The following CCDC102B variants were observed in gnomAD, a reference collection of about 807,000 sequenced individuals.
The protein encoded by CCDC102B is coiled-coil domain-containing protein 102B.
CCDC102B carries 75 observed loss-of-function variants against 57.4 expected under a neutral mutation model. That is an observed-to-expected ratio of 1.31 (90% CI 1.08 to 1.58). CCDC102B has a LOEUF of 1.58. Among genes scored for constraint, CCDC102B ranks in the 40% most tolerant of loss-of-function variants. CCDC102B has a pLI of 0.00. For missense variants in CCDC102B, 636 were observed against 582.6 expected, an observed-to-expected ratio of 1.09 and a Z score of -0.94; for synonymous variants, 206 against 201.9, an observed-to-expected ratio of 1.02 and a Z score of -0.17.
chr18:68,928,770 C>CTTTAATTA, intron 6 of CCDC102B, among the ~76,000 whole-genome samples: 1 of 151,832 alleles, frequency 6.6e-6, no homozygotes, highest in African/African-American at 2.4e-5. Flanking sequence ...TTAACTTGAG[C>CTTTAATTA]CTTTTTAATG....
At chr18:68,812,800 C>T (rs1190491087) in intron 1 of CCDC102B, among the ~76,000 whole-genome samples, 2 of 152,136 alleles carry the variant, frequency 1.3e-5, no homozygotes, top group Non-Finnish European at 2.9e-5. Flanking sequence ...GAAGAATTAA[C>T]ATACAGGAAT....
chr18:68,839,453 A>G (rs1320092691), intron 3 of CCDC102B, among the ~76,000 whole-genome samples: 1 of 152,174 alleles, frequency 6.6e-6, no homozygotes, highest in African/African-American at 2.4e-5. Context: ...CTTTGTGAAA[A>G]TAGCTGTAGT....
chr18:68,806,696 C>A (rs2036045254), intron 1 of CCDC102B, among the ~76,000 whole-genome samples: 1 of 151,998 alleles, frequency 6.6e-6, no homozygotes, highest in African/African-American at 2.4e-5. Flanking sequence ...GCAACATTTG[C>A]AATTTAAAGT....
intron 5 of CCDC102B, among the ~76,000 whole-genome samples, chr18:68,879,350 G>C (rs1002293236): frequency 6.6e-6 from 1 of 152,254 alleles, no homozygotes; most frequent in South Asian, 2.1e-4. Flanking sequence ...AAAGAACAAA[G>C]CTTCCACAGT....
intron 4 of CCDC102B, among the ~76,000 whole-genome samples, chr18:68,860,481 A>C (rs74801030): frequency 0.068 from 8,786 of 128,892 alleles, 736 homozygotes; most frequent in African/African-American, 0.17. Flanking sequence ...AAAACAAAAA[A>C]AAAAAAAGAC....
chr18:68,761,472 C>T (rs950961227), intron 2 of CCDC102B, among the ~76,000 whole-genome samples: 20 of 151,672 alleles, frequency 1.3e-4, no homozygotes, highest in African/African-American at 4.8e-4. Flanking sequence ...TGAAATCTCC[C>T]ACTCTGAGTG....
chr18:68,825,910 A>T (rs1478648249), intron 1 of CCDC102B, among the ~76,000 whole-genome samples: 1 of 152,022 alleles, frequency 6.6e-6, no homozygotes, highest in Non-Finnish European at 1.5e-5. Context: ...CAGTGTTCTC[A>T]TTTTCTAATT....
chr18:69,053,919 C>A, intron 7 of CCDC102B, 111 bp from the exon 8 acceptor site: 1 of 811,662 alleles, frequency 1.2e-6, no homozygotes, highest in Non-Finnish European at 1.9e-6. Flanking sequence ...TACTTACAAT[C>A]TATTCTCTTA....
chr18:68,972,085 G>A (rs899800299), intron 6 of CCDC102B, among the ~76,000 whole-genome samples: 1 of 152,128 alleles, frequency 6.6e-6, no homozygotes, highest in African/African-American at 2.4e-5. Context: ...TATTAGAATA[G>A]TAGGCTGGAA....
At position 69,037,032 on chromosome 18, in the gene CCDC102B, C is replaced by T. The variant is rs1199050985; in HGVS notation, c.1435-16998C>T. Among the ~76,000 whole-genome samples the T allele has an allele frequency of 6.3e-3, 696 of 109,940 alleles. 2 individuals are homozygous for T. Among genetic ancestry groups the T allele is most frequent in the African/African-American group, 8.5e-3 (207 of 24,470 alleles). 72.1% of individuals were successfully genotyped at this position (109,940 alleles called of 152,430 possible). On this transcript the variant is annotated intron_variant, in intron 7 of 7. Transcript: ENST00000360242. ...ATATGTGTGGGGGTGTATATATACA[C>T]ACACACACACACACACACACATACA... is the stretch of plus-strand genomic sequence containing the variant.
At chr18:69,019,859 G>T in intron 7 of CCDC102B, among the ~76,000 whole-genome samples, 1 of 152,054 alleles carries the variant, frequency 6.6e-6, no homozygotes, top group East Asian at 1.9e-4. Flanking sequence ...TTTATAAATG[G>T]CCCTTATTGT....
chr18:69,006,049 T>TA (rs1452478252), intron 6 of CCDC102B, among the ~76,000 whole-genome samples: 1 of 152,138 alleles, frequency 6.6e-6, no homozygotes, highest in East Asian at 1.9e-4. Flanking sequence ...GTATTTTTTT[T>TA]ACCATTAAAG....
chr18:68,928,216 C>T (rs1270367259), intron 6 of CCDC102B, among the ~76,000 whole-genome samples: 3 of 151,816 alleles, frequency 2.0e-5, no homozygotes, highest in East Asian at 1.9e-4. Flanking sequence ...GTTACGGTTT[C>T]GAGTACTATA....
chr18:68,979,427 A>C (rs914336708), intron 6 of CCDC102B, among the ~76,000 whole-genome samples: 2 of 152,050 alleles, frequency 1.3e-5, no homozygotes, highest in African/African-American at 4.8e-5. Flanking sequence ...CAAAAGCTTA[A>C]GACAATTAGA....
Position 69,043,745 on chromosome 18 carries a change from T to C in CCDC102B, c.1435-10285T>C, listed in dbSNP as rs534339314. On this transcript the variant is annotated intron_variant, in intron 7 of 7. Transcript: ENST00000360242. ...CAGAAGAATTTTTCTTAGTACAGAA[T>C]AAAATGGAGTCTCCTATGTCTACTT... Among the ~76,000 whole-genome samples the C allele has an allele frequency of 5.0e-4, 76 of 152,228 alleles. No individual in the cohort carries two copies. In the East Asian group the frequency reaches 0.012, roughly 24 times the overall value.
intron 2 of CCDC102B, among the ~76,000 whole-genome samples, chr18:68,746,754 G>A (rs1277523307): frequency 1.3e-5 from 2 of 151,336 alleles, no homozygotes; most frequent in African/African-American, 4.9e-5. Context: ...AAAAATGATA[G>A]TTTTATTAAA....
intron 2 of CCDC102B, among the ~76,000 whole-genome samples, chr18:68,749,984 T>G (rs2033782968): frequency 6.6e-6 from 1 of 151,744 alleles, no homozygotes; most frequent in Non-Finnish European, 1.5e-5. Flanking sequence ...ACCATCAGAG[T>G]GAACAGGCAA....
chr18:68,767,322 G>A (rs1049548919), intron 2 of CCDC102B, among the ~76,000 whole-genome samples: 3 of 152,150 alleles, frequency 2.0e-5, no homozygotes, highest in South Asian at 2.1e-4. Context: ...CTCCTATAAC[G>A]AGGTTAGTGC....
downstream of CCDC102B, among the ~76,000 whole-genome samples, chr18:69,056,464 C>T (rs1201730408): frequency 6.6e-6 from 1 of 151,972 alleles, no homozygotes; most frequent in Admixed American, 6.6e-5. Flanking sequence ...TGCTGGTTCC[C>T]AAGAGGGTAG....
Sources: allele counts gnomAD v4.1 joint callset (sites outside exome capture counted in the v4.1 genomes callset), GRCh38; gene constraint gnomAD v4.1.1; transcripts MANE v1.5; gene names NCBI Gene and HGNC (gene_info 2026-07-23, HGNC 2026-07-21).